TBC1D7: variants seen among roughly 807,000 people sequenced by gnomAD.
TBC1D7 encodes the protein TBC1 domain family member 7, also known as TBC domain family 7.
Under a neutral mutation model 35.3 loss-of-function variants are expected in TBC1D7, and 33 were observed. The ratio of observed to expected loss-of-function variants is 0.93; its 90% CI spans 0.71 to 1.25. The LOEUF is 1.25. Among genes scored for constraint, TBC1D7 ranks in the 50% most tolerant of loss-of-function variants. The probability of loss-of-function intolerance (pLI) is 0.00; values close to 1 mark genes in which losing one functional copy is unlikely to be tolerated. For missense variants in TBC1D7, 362 were observed against 365.3 expected, an observed-to-expected ratio of 0.99 and a Z score of 0.07; for synonymous variants, 135 against 129.5, an observed-to-expected ratio of 1.04 and a Z score of -0.29.
At position 13,316,666 on chromosome 6, in the gene TBC1D7, C is replaced by G; in HGVS notation, c.424G>C (p.Glu142Gln). 2 of 1,614,138 alleles carry G rather than the reference C, an allele frequency of 1.2e-6. No individual in the cohort carries two copies. The highest frequency in any genetic ancestry group is 2.2e-5 in the South Asian group (2 of 91,088). The change falls in exon 5 of 8, where the codon GAG (glutamate) becomes CAG (glutamine). Residue 142 changes from glutamate (E) to glutamine (Q), a missense_variant. Glu to Gln is a conservative substitution (Grantham distance 29). Coordinates refer to ENST00000379300, the MANE Select transcript of TBC1D7 (RefSeq NM_016495.6). ...EVFLAIAKAM[E>Q]EMVEDSVDCY... ...TCGACACTATCTTCCACCATTTCCT[C>G]CATGGCTTTAGCTATGGCAAGAAAC...
At chr6:13,314,355 G>A (rs1783449652) in intron 5 of TBC1D7, among the ~76,000 whole-genome samples, 1 of 152,164 alleles carries the variant, frequency 6.6e-6, no homozygotes. Context: ...CCAGGTCTAG[G>A]GAAACATGGA....
At chr6:13,315,107 G>A (rs1018600034) in intron 5 of TBC1D7, among the ~76,000 whole-genome samples, 2 of 152,108 alleles carry the variant, frequency 1.3e-5, no homozygotes, top group Non-Finnish European at 2.9e-5. Context: ...CTCTACTGCA[G>A]ACAGGGCAGC....
chr6:13,305,208 C>T (rs760636845), intron 7 of TBC1D7, 21 bp from the exon 8 acceptor site: 1 of 1,613,424 alleles, frequency 6.2e-7, no homozygotes, highest in Non-Finnish European at 8.5e-7. Context: ...GCAAATCAGT[C>T]TTTGTGAAAT....
intron 4 of TBC1D7, chr6:13,320,373 G>C: frequency 4.2e-6 from 1 of 240,108 alleles, no homozygotes; most frequent in Non-Finnish European, 8.2e-6. Flanking sequence ...TATCTACAGG[G>C]GTGTCCTGTC....
chr6:13,305,930 C>A (rs1392084694), intron 7 of TBC1D7: 1 of 163,366 alleles, frequency 6.1e-6, no homozygotes, highest in Non-Finnish European at 1.3e-5. Context: ...TGTAAAATGA[C>A]AGATCCCACC....
At chr6:13,317,398 A>G (rs1385171048) in intron 4 of TBC1D7, among the ~76,000 whole-genome samples, 5 of 152,216 alleles carry the variant, frequency 3.3e-5, no homozygotes, top group Admixed American at 1.3e-4. Context: ...ATATACAAAA[A>G]GCTTTACATT....
chr6:13,325,107 C>T lies in TBC1D7; in HGVS notation c.180G>A (p.Trp60Ter), dbSNP rs746823669. ...TGGGTCTCATACCTAGAAGCACCTT[C>T]CATACCAATGCACGGTACATGGACG... The part of the protein sequence containing the change: ...PLPSMYRALV[W>*]KVLLGILPPH... Residue 60 changes from tryptophan (W) to a stop codon, truncating the protein, a stop_gained, in exon 3 of 8, where the codon TGG becomes TGA. Transcript: ENST00000379300. LOFTEE classifies it high-confidence loss of function. 1.1e-5 allele frequency: 18 copies of T among 1,612,746 alleles called. No individual in the cohort carries two copies. Among genetic ancestry groups the T allele is most frequent in the Non-Finnish European group, 1.4e-5 (17 of 1,179,216 alleles).
intron 5 of TBC1D7, among the ~76,000 whole-genome samples, 151 bp downstream of exon 5, chr6:13,316,415 TTTAGA>T (rs2127533523): frequency 6.6e-6 from 1 of 152,242 alleles, no homozygotes; most frequent in Admixed American, 6.5e-5. Context: ...GCTGGAAATA[TTTAGA>T]TTATATGGAC....
chr6:13,312,070 C>T (rs1305245777), intron 5 of TBC1D7, among the ~76,000 whole-genome samples: 3 of 151,894 alleles, frequency 2.0e-5, no homozygotes, highest in African/African-American at 4.9e-5. Flanking sequence ...CATGTAAGTG[C>T]TGTTCTACTG....
At chr6:13,321,960 G>C (rs1172081210) in intron 3 of TBC1D7, among the ~76,000 whole-genome samples, 3 of 152,214 alleles carry the variant, frequency 2.0e-5, no homozygotes, top group Non-Finnish European at 4.4e-5. Context: ...TTTTAGGCCA[G>C]GTATGGTGGC....
chr6:13,314,233 A>G (rs1040635491), intron 5 of TBC1D7, among the ~76,000 whole-genome samples: 1 of 151,858 alleles, frequency 6.6e-6, no homozygotes, highest in Non-Finnish European at 1.5e-5. Flanking sequence ...AAGGAAAATC[A>G]TATCATAGAT....
intron 1 of TBC1D7, chr6:13,328,016 G>C (rs1448386656): frequency 6.6e-6 from 1 of 152,138 alleles, no homozygotes; most frequent in East Asian, 1.9e-4. Flanking sequence ...TGAGCTTTCG[G>C]GAGCAGATGT....
chr6:13,315,146 A>G (rs2496156), intron 5 of TBC1D7, among the ~76,000 whole-genome samples: 46,001 of 151,978 alleles, frequency 0.3, 7,181 homozygotes, highest in South Asian at 0.46. Context: ...TCACTAACAT[A>G]TAGTTGACCC....
At chr6:13,320,603 T>A in intron 4 of TBC1D7, 1 of 586,476 alleles carries the variant, frequency 1.7e-6, no homozygotes, top group Non-Finnish European at 3.0e-6. Context: ...TAGAAAAAAG[T>A]TGCATAATGT....
chr6:13,314,285 G>A (rs973008399), intron 5 of TBC1D7, among the ~76,000 whole-genome samples: 8 of 152,078 alleles, frequency 5.3e-5, no homozygotes, highest in Non-Finnish European at 8.8e-5. Flanking sequence ...CCAAGCTAAT[G>A]ACAAATGTTT....
At chr6:13,311,919 C>T (rs1305382323) in intron 5 of TBC1D7, among the ~76,000 whole-genome samples, 1 of 140,838 alleles carries the variant, frequency 7.1e-6, no homozygotes, top group Non-Finnish European at 1.5e-5. Flanking sequence ...AAAAAGGAGT[C>T]CAGAAAGAGA....
chr6:13,309,218 AC>A (rs1382006244), intron 5 of TBC1D7, among the ~76,000 whole-genome samples: 1 of 152,210 alleles, frequency 6.6e-6, no homozygotes, highest in Non-Finnish European at 1.5e-5. Flanking sequence ...TTGGTTGAAA[AC>A]ACACACACAG....
At chr6:13,308,447 C>CCT (rs3839634) in intron 5 of TBC1D7, among the ~76,000 whole-genome samples, 64,518 of 151,952 alleles carry the variant, frequency 0.42, 14,086 homozygotes, top group East Asian at 0.62. Flanking sequence ...CACTTGGTAG[C>CCT]CTCTCTCATG....
intron 3 of TBC1D7, among the ~76,000 whole-genome samples, chr6:13,322,133 CGGGAGGCTGAAGT>C (rs1784086359): frequency 6.6e-6 from 1 of 151,786 alleles, no homozygotes; most frequent in South Asian, 2.1e-4. Context: ...CCCAGCTACC[CGGGAGGCTGAAGT>C]GGGAGGCTGA....
Sources: gnomAD v4.1 joint callset for allele counts (sites outside exome capture counted in the v4.1 genomes callset) on GRCh38, gnomAD v4.1.1 for gene constraint, MANE v1.5 for transcripts, NCBI Gene and HGNC (gene_info 2026-07-23, HGNC 2026-07-21) for gene names.